The following MAPK4 variants were observed in gnomAD, a reference collection of about 807,000 sequenced individuals.
MAPK4 encodes the protein mitogen-activated protein kinase 4, also known as Erk3-related.
MAPK4 carries 22 observed loss-of-function variants against 47.7 expected under a neutral mutation model. That is an observed-to-expected ratio of 0.46 (90% CI 0.33 to 0.66). MAPK4 has a LOEUF of 0.66. Ranked by LOEUF, MAPK4 falls within the 30% of genes least tolerant of loss-of-function variation. The probability of loss-of-function intolerance (pLI) is 0.02; values close to 1 mark genes in which losing one functional copy is unlikely to be tolerated. For synonymous variants in MAPK4, 390 were observed against 365.7 expected (o/e 1.07, Z -0.76); for missense variants, 736 against 831.7 (o/e 0.88, Z 1.42).
At chr18:50,729,073 G>A in intron 5 of MAPK4, 85 bp from the exon 6 acceptor site, 1 of 1,206,038 alleles carries the variant, frequency 8.3e-7, no homozygotes, top group East Asian at 2.4e-5. Flanking sequence ...TGTGTGAGTG[G>A]CAAACAGGGA....
At chr18:50,652,110 TCA>T (rs1244922038) in intron 1 of MAPK4, among the ~76,000 whole-genome samples, 1 of 152,196 alleles carries the variant, frequency 6.6e-6, no homozygotes, top group Admixed American at 6.5e-5. Flanking sequence ...TATTCCCACC[TCA>T]CAGAGATGAG....
At chr18:50,706,747 A>C (rs1386197395) in intron 2 of MAPK4, among the ~76,000 whole-genome samples, 1 of 152,224 alleles carries the variant, frequency 6.6e-6, no homozygotes, top group East Asian at 1.9e-4. Context: ...CCCCTCCAGC[A>C]GCAAAATCAG....
At chr18:50,711,994 C>T (rs764612518) in intron 2 of MAPK4, among the ~76,000 whole-genome samples, 1 of 152,164 alleles carries the variant, frequency 6.6e-6, no homozygotes, top group Non-Finnish European at 1.5e-5. Flanking sequence ...TCCACTGTGT[C>T]TGCCCCCAGA....
chr18:50,595,651 T>A (rs1382422462), intron 1 of MAPK4, among the ~76,000 whole-genome samples: 1 of 152,192 alleles, frequency 6.6e-6, no homozygotes, highest in Non-Finnish European at 1.5e-5. Flanking sequence ...CAAGACTCAT[T>A]AAATTGAACA....
chr18:50,704,919 A>G (rs984333165), intron 2 of MAPK4: 6 of 397,230 alleles, frequency 1.5e-5, no homozygotes, highest in Non-Finnish European at 2.7e-5. Context: ...CCACTCCTCA[A>G]AAGTGCTTTT....
At chr18:50,705,804 C>A (rs1309284958) in intron 2 of MAPK4, 1 of 152,264 alleles carries the variant, frequency 6.6e-6, no homozygotes, top group East Asian at 1.9e-4. Context: ...AGAGGCCTTT[C>A]TGGACCACCC....
In MAPK4 at chr18:50,644,984, A is replaced by G. The variant is rs2042974863; in HGVS notation, c.-870-18105A>G. On this transcript the variant is annotated intron_variant, in intron 1 of 5. Transcript: ENST00000400384. ...ACACTGCTCAAACTTGCAGTGGAGA[A>G]TAATGGATGGGATGGGGATTTGCAG... 2.0e-5 allele frequency among the ~76,000 whole-genome samples: 3 copies of G among 152,186 alleles called. No individual in the cohort carries two copies. In the South Asian group the frequency reaches 6.2e-4, roughly 32 times the overall value.
At chr18:50,668,469 G>A (rs549317013) in intron 2 of MAPK4, among the ~76,000 whole-genome samples, 31 of 152,288 alleles carry the variant, frequency 2.0e-4, no homozygotes, top group African/African-American at 7.2e-4. Context: ...TGGCCACGTC[G>A]AGGTTTCAAG....
At chr18:50,624,762 T>C (rs1346924642) in intron 1 of MAPK4, among the ~76,000 whole-genome samples, 7 of 152,152 alleles carry the variant, frequency 4.6e-5, no homozygotes, top group African/African-American at 1.7e-4. Flanking sequence ...GAACATACTG[T>C]TTTAAGACAG....
intron 1 of MAPK4, among the ~76,000 whole-genome samples, chr18:50,640,254 T>G (rs538204364): frequency 6.6e-6 from 1 of 152,298 alleles, no homozygotes; most frequent in East Asian, 1.9e-4. Flanking sequence ...TTTTACCCCC[T>G]TGGGGGCCAT....
At chr18:50,646,480 T>C (rs2042990333) in intron 1 of MAPK4, among the ~76,000 whole-genome samples, 1 of 152,172 alleles carries the variant, frequency 6.6e-6, no homozygotes, top group African/African-American at 2.4e-5. Context: ...GGGATCCCAC[T>C]GGGAGCACGG....
intron 1 of MAPK4, among the ~76,000 whole-genome samples, chr18:50,566,841 A>C (rs1355378251): frequency 1.3e-5 from 2 of 152,256 alleles, no homozygotes; most frequent in Non-Finnish European, 2.9e-5. Context: ...CAAGAAGAAT[A>C]AACAAATCCT....
chr18:50,586,953 A>G (rs181807107), intron 1 of MAPK4, among the ~76,000 whole-genome samples: 1 of 152,172 alleles, frequency 6.6e-6, no homozygotes, highest in African/African-American at 2.4e-5. Context: ...TAGAGGGATG[A>G]ATTTTTTTAA....
At chr18:50,571,762 T>A (rs2042252442) in intron 1 of MAPK4, among the ~76,000 whole-genome samples, 1 of 152,192 alleles carries the variant, frequency 6.6e-6, no homozygotes, top group African/African-American at 2.4e-5. Flanking sequence ...ATGCTGCCTT[T>A]TCAATAACAT....
At chr18:50,703,645 A>G (rs1420777607) in intron 2 of MAPK4, among the ~76,000 whole-genome samples, 1 of 152,144 alleles carries the variant, frequency 6.6e-6, no homozygotes, top group East Asian at 1.9e-4. Context: ...AGCATTCCTC[A>G]CAGCCTGTCC....
At position 50,663,878 on chromosome 18, in the gene MAPK4, C is replaced by T. The variant is rs972025834; in HGVS notation, c.-81C>T. ...GTGGGACTTGACAGAATGAGGTGCGCGAGGGAGGCCGCTAGCCGAGACTTG... is the reference window on the plus strand; with the variant it reads ...GTGGGACTTGACAGAATGAGGTGCGTGAGGGAGGCCGCTAGCCGAGACTTG... On this transcript the variant is annotated 5_prime_UTR_variant, in exon 2 of 6. Transcript: ENST00000400384. The T allele has an allele frequency of 4.1e-5, 52 of 1,280,520 alleles. No homozygotes were observed. The highest frequency in any genetic ancestry group is 4.9e-5 in the Non-Finnish European group (45 of 915,404). 79.3% of individuals were successfully genotyped at this position (1,280,520 alleles called of 1,614,324 possible). A position where few individuals can be genotyped will look rare whatever the true frequency, so the allele number is the denominator to read the frequency against.
chr18:50,709,031 T>C (rs1390963261), intron 2 of MAPK4, among the ~76,000 whole-genome samples: 1 of 152,218 alleles, frequency 6.6e-6, no homozygotes, highest in Non-Finnish European at 1.5e-5. Flanking sequence ...GGCTCTCGGC[T>C]GTCCCCAGAG....
chr18:50,586,305 C>T (rs1424482124), intron 1 of MAPK4, among the ~76,000 whole-genome samples: 1 of 151,998 alleles, frequency 6.6e-6, no homozygotes, highest in East Asian at 1.9e-4. Flanking sequence ...ACCAGTATCA[C>T]TGATTTTGAA....
At chr18:50,686,461 A>T (rs1376052230) in intron 2 of MAPK4, among the ~76,000 whole-genome samples, 3 of 152,196 alleles carry the variant, frequency 2.0e-5, no homozygotes, top group Non-Finnish European at 4.4e-5. Context: ...TGTCCACATG[A>T]TATTCTTTAC....
Sources: allele counts gnomAD v4.1 joint callset (sites outside exome capture counted in the v4.1 genomes callset), GRCh38; gene constraint gnomAD v4.1.1; transcripts MANE v1.5; gene names NCBI Gene and HGNC (gene_info 2026-07-23, HGNC 2026-07-21).